The following NEO1 variants were observed in gnomAD, a reference collection of about 807,000 sequenced individuals.
NEO1 encodes the protein neogenin 1, also known as neogenin.
NEO1 carries 63 observed loss-of-function variants against 159.7 expected under a neutral mutation model. The observed-to-expected ratio is 0.39, with a 90% CI of 0.32 to 0.49. The LOEUF (loss-of-function observed/expected upper bound fraction) is 0.49. Ranked by LOEUF, NEO1 falls within the 20% of genes least tolerant of loss-of-function variation. NEO1 has a pLI of 0.85. For missense variants in NEO1, 1,615 were observed against 1,831.0 expected (o/e 0.88, Z 2.15); for synonymous variants, 633 against 662.0 (o/e 0.96, Z 0.67).
At chr15:73,148,083 G>T (rs1386204038) in intron 5 of NEO1, among the ~76,000 whole-genome samples, 1 of 152,060 alleles carries the variant, frequency 6.6e-6, no homozygotes, top group African/African-American at 2.4e-5. Context: ...AAAGTGCTGG[G>T]ATTACAGGCA....
At chr15:73,279,775 A>G (rs1596573494) in intron 22 of NEO1, among the ~76,000 whole-genome samples, 1 of 152,234 alleles carries the variant, frequency 6.6e-6, no homozygotes, top group East Asian at 1.9e-4. Context: ...CGGATCTTCA[A>G]GGATGCTAGA....
At chr15:73,256,470 A>AGAG (rs1567617304) in intron 13 of NEO1, among the ~76,000 whole-genome samples, 2 of 152,248 alleles carry the variant, frequency 1.3e-5, no homozygotes, top group Non-Finnish European at 2.9e-5. Context: ...ACTGCACTCC[A>AGAG]GCCTGGACAA....
chr15:73,212,757 A>C (rs749394511), intron 7 of NEO1, among the ~76,000 whole-genome samples: 17 of 121,000 alleles, frequency 1.4e-4, no homozygotes, highest in African/African-American at 2.7e-4. Context: ...GAAACAGCCC[A>C]AAAAAAAAGG....
chr15:73,132,245 A>G (rs1254040700), intron 4 of NEO1, among the ~76,000 whole-genome samples: 1 of 152,130 alleles, frequency 6.6e-6, no homozygotes, highest in Non-Finnish European at 1.5e-5. Context: ...AGTAGTCAAT[A>G]CTTTTTTGCT....
chr15:73,236,315 T>C (rs760545162), intron 7 of NEO1, 32 bp from the exon 8 acceptor site: 1 of 1,613,928 alleles, frequency 6.2e-7, no homozygotes, highest in Admixed American at 1.7e-5. Flanking sequence ...TACCTCCCAC[T>C]TCACTGACCA....
At chr15:73,139,096 G>A (rs1226299170) in intron 5 of NEO1, among the ~76,000 whole-genome samples, 1 of 152,174 alleles carries the variant, frequency 6.6e-6, no homozygotes, top group Admixed American at 6.5e-5. Context: ...AAACTGGATA[G>A]CCACATGTGG....
chr15:73,137,473 C>A (rs139675866), intron 5 of NEO1, among the ~76,000 whole-genome samples: 2,028 of 152,174 alleles, frequency 0.013, 18 homozygotes, highest in South Asian at 0.017. Context: ...CAGGGTCTCC[C>A]TCTGTTGCCC....
At chr15:73,297,564 G>A (rs2042423271) in intron 26 of NEO1, among the ~76,000 whole-genome samples, 1 of 152,182 alleles carries the variant, frequency 6.6e-6, no homozygotes. Flanking sequence ...CACCCAGCTA[G>A]TACACAAAGA....
chr15:73,133,167 T>C (rs1037543037), intron 4 of NEO1, among the ~76,000 whole-genome samples: 5 of 152,030 alleles, frequency 3.3e-5, no homozygotes, highest in African/African-American at 1.2e-4. Flanking sequence ...AAAGAAATTG[T>C]GGTATGTATA....
intron 15 of NEO1, among the ~76,000 whole-genome samples, chr15:73,261,196 C>T (rs189587015): frequency 8.5e-5 from 13 of 152,050 alleles, no homozygotes; most frequent in Non-Finnish European, 1.5e-4. Flanking sequence ...TCACTAGCCT[C>T]GGCCCTGGAA....
intron 14 of NEO1, among the ~76,000 whole-genome samples, chr15:73,259,930 G>C (rs2040542701): frequency 6.6e-6 from 1 of 152,176 alleles, no homozygotes; most frequent in Non-Finnish European, 1.5e-5. Flanking sequence ...GTTTGGGAAT[G>C]GATGTGGGAC....
Position 73,052,752 on chromosome 15 carries a change from G to C in NEO1, c.77G>C (p.Arg26Pro). The C allele has an allele frequency of 1.1e-5, 14 of 1,270,382 alleles. No homozygotes were observed. The highest frequency in any genetic ancestry group is 1.4e-5 in the Non-Finnish European group (14 of 1,002,120). The allele number at this position is 1,270,382 out of a possible 1,614,324, so 78.7% of individuals were successfully genotyped here. ...FWLYCLLLLG[R>P]RAPGAAAARS... ...CTCTACTGCCTGCTGCTGCTCGGGC[G>C]CCGGGCGCCGGGCGCCGCGGCCGCC... The change falls in exon 1 of 29, where the codon CGC becomes CCC. Residue 26 changes from arginine (R) to proline (P), a missense_variant. Arg to Pro is a moderately radical substitution (Grantham distance 103). Around this residue, in one of 3 missense-constraint regions of NEO1, gnomAD observed 1,018 missense variants for 1,115.4 expected, o/e 0.91. Coordinates refer to ENST00000261908, the MANE Select transcript of NEO1 (RefSeq NM_002499.4).
At chr15:73,262,569 C>T (rs1185877707) in intron 15 of NEO1, among the ~76,000 whole-genome samples, 5 of 152,038 alleles carry the variant, frequency 3.3e-5, no homozygotes, top group South Asian at 2.1e-4. Flanking sequence ...ATTGCACACC[C>T]GCTAGAATTG....
rs10162966 is a variant in NEO1 at position 73,066,309 on chromosome 15, G to A, written c.130+13504G>A. On this transcript the variant is annotated intron_variant, in intron 1 of 28. Coordinates refer to ENST00000261908, the MANE Select transcript of NEO1 (RefSeq NM_002499.4). ...GCTGGGATTACAGGCTTGAGCCACC[G>A]CACCTGGCCTCTTTTTTTTTTTTTT... 8.5e-3 allele frequency among the ~76,000 whole-genome samples: 1,236 copies of A among 145,830 alleles called. 21 individuals are homozygous for A. Among genetic ancestry groups the A allele is most frequent in the African/African-American group, 0.029 (1,161 of 39,502 alleles).
At position 73,220,213 on chromosome 15, in the gene NEO1, G is replaced by T. The variant is rs556066094; in HGVS notation, c.1292-16134G>T. ...AGTTTGGCTGGATATGAAATTCTGG[G>T]TTGAAAATTCTTTTCTTTAAGAATG... On this transcript the variant is annotated intron_variant, in intron 7 of 28. Coordinates refer to ENST00000261908, the MANE Select transcript of NEO1 (RefSeq NM_002499.4). Among the ~76,000 whole-genome samples, 362 of 152,172 alleles carry T rather than the reference G, an allele frequency of 2.4e-3. 3 individuals carry two copies. Among genetic ancestry groups the T allele is most frequent in the African/African-American group, 7.5e-3 (310 of 41,506 alleles).
intron 16 of NEO1, among the ~76,000 whole-genome samples, chr15:73,267,790 A>G (rs966748066): frequency 2.0e-5 from 3 of 152,068 alleles, no homozygotes; most frequent in African/African-American, 7.2e-5. Context: ...GTCTATCATT[A>G]TTGGACATTT....
At position 73,260,314 on chromosome 15, in the gene NEO1, G is replaced by A. The variant is rs752528536; in HGVS notation, c.2247G>A (p.Pro749=). ...TGCCTAGCTCTCTTCACGTACGCCC[G>A]CTCGTTACTAGCATCGTAGTGAGCT... is the stretch of plus-strand genomic sequence containing the variant. ...PEVPSSLHVR[P]LVTSIVVSWT... The change falls in exon 15 of 29, where the codon CCG becomes CCA. Residue 749 remains proline, a synonymous_variant. Transcript: ENST00000261908. The A allele has an allele frequency of 1.2e-5, 19 of 1,613,798 alleles. No homozygotes were observed. The highest frequency in any genetic ancestry group is 1.7e-4 in the Middle Eastern group (1 of 6,030).
chr15:73,248,099 C>T (rs532897277), intron 9 of NEO1, among the ~76,000 whole-genome samples: 18 of 152,308 alleles, frequency 1.2e-4, no homozygotes, highest in African/African-American at 4.3e-4. Flanking sequence ...TAATATTCAT[C>T]TCACTTGGTT....
intron 1 of NEO1, among the ~76,000 whole-genome samples, chr15:73,058,016 G>A (rs1451738084): frequency 1.3e-5 from 2 of 152,102 alleles, no homozygotes; most frequent in Non-Finnish European, 2.9e-5. Context: ...ATGTGCATAT[G>A]TGTGTATGGT....
Sources: allele counts gnomAD v4.1 joint callset (sites outside exome capture counted in the v4.1 genomes callset), GRCh38; gene constraint gnomAD v4.1.1; regional missense constraint gnomAD v4.1.1; transcripts MANE v1.5; gene names NCBI Gene and HGNC (gene_info 2026-07-23, HGNC 2026-07-21).